Variants in PTPRD observed in about 807,000 individuals in gnomAD.
PTPRD encodes the protein receptor-type tyrosine-protein phosphatase delta.
PTPRD carries 34 observed loss-of-function variants against 214.5 expected under a neutral mutation model. That is an observed-to-expected ratio of 0.16 (90% CI 0.12 to 0.21). The LOEUF is 0.21. Among genes scored for constraint, PTPRD ranks in the 10% least tolerant of loss-of-function variants. The probability of loss-of-function intolerance (pLI) is 1.00; values close to 1 mark genes in which losing one functional copy is unlikely to be tolerated. For synonymous variants in PTPRD, 1,128 were observed against 845.7 expected (o/e 1.33, Z -5.79); for missense variants, 2,545 against 2,398.7 (o/e 1.06, Z -1.27).
At chr9:8,759,017 G>A (rs371777817) in intron 11 of PTPRD, among the ~76,000 whole-genome samples, 2 of 149,168 alleles carry the variant, frequency 1.3e-5, no homozygotes, top group East Asian at 2.0e-4. Flanking sequence ...TCACAAAGGT[G>A]TTCTTTGGTT....
chr9:8,404,622 T>C lies in PTPRD; in HGVS notation c.4125A>G (p.Ser1375=), dbSNP rs1589608951. ...DPGQQFTWEH[S]NLEVNKPKNR... ...TCTTTGGTTTGTTTACTTCCAAGTTTGAATGTTCCCAAGTGAACTGCTGGC... is the reference window on the plus strand; with the variant it reads ...TCTTTGGTTTGTTTACTTCCAAGTTCGAATGTTCCCAAGTGAACTGCTGGC... Residue 1375 remains serine, a synonymous_variant, in exon 36 of 46, where the codon TCA becomes TCG. Coordinates refer to ENST00000381196, the MANE Select transcript of PTPRD (RefSeq NM_002839.4). The C allele has an allele frequency of 6.2e-7, 1 of 1,613,188 alleles. No individual in the cohort carries two copies. Among genetic ancestry groups the C allele is most frequent in the Non-Finnish European group, 8.5e-7 (1 of 1,179,318 alleles).
chr9:9,889,691 A>G (rs2072478436), intron 5 of PTPRD, among the ~76,000 whole-genome samples: 1 of 152,082 alleles, frequency 6.6e-6, no homozygotes, highest in African/African-American at 2.4e-5. Flanking sequence ...GCACTATATT[A>G]AGCGAGCTAT....
At chr9:8,542,062 T>C (rs750541072) in intron 14 of PTPRD, among the ~76,000 whole-genome samples, 54 of 152,066 alleles carry the variant, frequency 3.6e-4, no homozygotes, top group Non-Finnish European at 7.2e-4. Context: ...AACCTTGACC[T>C]TCTTCTTCAA....
chr9:8,332,423 C>T (rs1236939190), intron 43 of PTPRD, among the ~76,000 whole-genome samples: 2 of 152,064 alleles, frequency 1.3e-5, no homozygotes, highest in East Asian at 3.9e-4. Context: ...GTAAAGCATC[C>T]CTCAAGGATA....
intron 3 of PTPRD, among the ~76,000 whole-genome samples, chr9:10,244,355 C>G (rs1225792325): frequency 6.6e-6 from 1 of 152,118 alleles, no homozygotes; most frequent in African/African-American, 2.4e-5. Context: ...GTGCCCACCA[C>G]AATGCACTGT....
At chr9:8,560,426 T>TA (rs947450535) in intron 14 of PTPRD, among the ~76,000 whole-genome samples, 7 of 135,712 alleles carry the variant, frequency 5.2e-5, no homozygotes, top group African/African-American at 1.2e-4. Flanking sequence ...AGTACCAACT[T>TA]AAAAAAAAAT....
chr9:9,852,652 AAAGATT>A (rs1482851562), intron 5 of PTPRD, among the ~76,000 whole-genome samples: 7 of 152,280 alleles, frequency 4.6e-5, no homozygotes, highest in Admixed American at 2.0e-4. Flanking sequence ...TAAATAAGAT[AAAGATT>A]ATTCCTTTTT....
chr9:8,631,314 A>G (rs1233182077), intron 14 of PTPRD, among the ~76,000 whole-genome samples: 2 of 151,674 alleles, frequency 1.3e-5, no homozygotes, highest in Non-Finnish European at 2.9e-5. Context: ...CAAATATTTT[A>G]AATATATTTT....
At chr9:10,565,201 CA>C (rs1337605597) in intron 2 of PTPRD, among the ~76,000 whole-genome samples, 2 of 151,798 alleles carry the variant, frequency 1.3e-5, no homozygotes, top group African/African-American at 4.8e-5. Flanking sequence ...CATATTTCAC[CA>C]AAAGACCCTA....
In PTPRD at chr9:10,072,341, G is replaced by C. The variant is rs188565717; in HGVS notation, c.-544-38551C>G. ...AACTGATCATGTCAATTGTCAGTGA[G>C]TATATAGTGTGTCCAGAGTTGGTTC... On this transcript the variant is annotated intron_variant, in intron 3 of 45. Transcript: ENST00000381196. 5.3e-5 allele frequency among the ~76,000 whole-genome samples: 8 copies of C among 152,198 alleles called. No homozygotes were observed. The East Asian group carries it at 1.6e-3, about 30-fold the overall frequency.
chr9:10,293,342 T>A (rs1398560910), intron 3 of PTPRD, among the ~76,000 whole-genome samples: 1 of 151,982 alleles, frequency 6.6e-6, no homozygotes. Flanking sequence ...TTTCTCTGTA[T>A]ATCAATTTAA....
chr9:8,587,901 A>G (rs567599296), intron 14 of PTPRD, among the ~76,000 whole-genome samples: 1 of 152,244 alleles, frequency 6.6e-6, no homozygotes, highest in African/African-American at 2.4e-5. Context: ...AAAGATGCCA[A>G]CAAGTACTTG....
At chr9:10,527,044 C>T (rs2054511183) in intron 2 of PTPRD, among the ~76,000 whole-genome samples, 1 of 152,052 alleles carries the variant, frequency 6.6e-6, no homozygotes, top group African/African-American at 2.4e-5. Flanking sequence ...TGAAAAGCAA[C>T]TCTATTTACT....
intron 2 of PTPRD, among the ~76,000 whole-genome samples, chr9:10,430,178 A>G (rs1452042195): frequency 6.6e-6 from 1 of 152,006 alleles, no homozygotes; most frequent in African/African-American, 2.4e-5. Context: ...TTTATGGTTC[A>G]GACTAAGAAA....
At chr9:9,683,374 G>C (rs1380921528) in intron 7 of PTPRD, among the ~76,000 whole-genome samples, 2 of 151,722 alleles carry the variant, frequency 1.3e-5, no homozygotes, top group African/African-American at 4.8e-5. Flanking sequence ...GAACAGTATG[G>C]TTTGTGGCAC....
At chr9:10,318,605 ATATT>A (rs899546133) in intron 3 of PTPRD, among the ~76,000 whole-genome samples, 5 of 151,836 alleles carry the variant, frequency 3.3e-5, no homozygotes, top group African/African-American at 1.2e-4. Flanking sequence ...GAGTTCGTTT[ATATT>A]TATTTATTTA....
intron 10 of PTPRD, among the ~76,000 whole-genome samples, chr9:9,025,978 G>C (rs2099585642): frequency 6.6e-6 from 1 of 151,778 alleles, no homozygotes; most frequent in South Asian, 2.1e-4. Context: ...TGGGTAACAG[G>C]TAATAAATGA....
chr9:9,937,919 T>C (rs1246295790), intron 5 of PTPRD, among the ~76,000 whole-genome samples: 1 of 152,230 alleles, frequency 6.6e-6, no homozygotes, highest in Non-Finnish European at 1.5e-5. Context: ...ATTCTGGCTA[T>C]GGATTTCTGA....
chr9:8,666,808 C>T (rs1271817412), intron 12 of PTPRD, among the ~76,000 whole-genome samples: 1 of 152,174 alleles, frequency 6.6e-6, no homozygotes, highest in Non-Finnish European at 1.5e-5. Flanking sequence ...GTGAATGCTA[C>T]ACCACCTGGA....
Sources: gnomAD v4.1 joint callset for allele counts (sites outside exome capture counted in the v4.1 genomes callset) on GRCh38, gnomAD v4.1.1 for gene constraint, MANE v1.5 for transcripts, NCBI Gene and HGNC (gene_info 2026-07-23, HGNC 2026-07-21) for gene names.